Variants in LAMC2 observed in about 807,000 individuals in gnomAD.
LAMC2 encodes laminin subunit gamma 2.
A neutral mutation model predicts 140.2 loss-of-function variants in LAMC2; 97 were observed. The observed-to-expected ratio is 0.69, with a 90% CI of 0.59 to 0.82. The LOEUF (loss-of-function observed/expected upper bound fraction) is 0.82, where lower values mean the gene tolerates loss of function less well. Ranked by LOEUF, LAMC2 falls within the 40% of genes least tolerant of loss-of-function variation. The pLI, the probability that LAMC2 is intolerant of heterozygous loss-of-function variation, is 0.00. For synonymous variants in LAMC2, 513 were observed against 540.2 expected (o/e 0.95, Z 0.70); for missense variants, 1,402 against 1,476.1 (o/e 0.95, Z 0.82).
the LAMC2 span, among the ~76,000 whole-genome samples, chr1:183,253,948 T>G: frequency 6.6e-6 from 1 of 150,408 alleles, no homozygotes; most frequent in African/African-American, 2.5e-5. Flanking sequence ...TGTGTGTATG[T>G]GTGTGTGTAA....
At chr1:183,191,281 G>A (rs1658322129) in intron 1 of LAMC2, among the ~76,000 whole-genome samples, 1 of 152,142 alleles carries the variant, frequency 6.6e-6, no homozygotes, top group East Asian at 1.9e-4. Flanking sequence ...TGGGTTGGAG[G>A]TGGGCTGGAA....
chr1:183,217,195 G>A lies in LAMC2; in HGVS notation c.405-1195G>A, dbSNP rs181006017. On this transcript the variant is annotated intron_variant, in intron 3 of 22. Transcript: ENST00000264144. ...ATCATAGGGCAGGCAGAGGAGGAAC[G>A]GATCAGTAGAGAAGAGACAATAAAC... Among the ~76,000 whole-genome samples the A allele has an allele frequency of 3.6e-3, 548 of 152,198 alleles. 4 individuals are homozygous for A. Among genetic ancestry groups the A allele is most frequent in the Non-Finnish European group, 6.1e-3 (418 of 68,012 alleles).
chr1:183,236,369 A>G (rs1434390991), intron 16 of LAMC2, 91 bp from the exon 17 acceptor site: 2 of 1,251,590 alleles, frequency 1.6e-6, no homozygotes, highest in East Asian at 5.2e-5. Flanking sequence ...AGCCTGGACA[A>G]CAGAGTGAAA....
intron 1 of LAMC2, among the ~76,000 whole-genome samples, chr1:183,203,040 G>A (rs1658769816): frequency 6.6e-6 from 1 of 152,162 alleles, no homozygotes; most frequent in Admixed American, 6.5e-5. Flanking sequence ...CATGAGATGT[G>A]TTTTCTACCT....
intron 14 of LAMC2, 48 bp downstream of exon 14, chr1:183,232,905 G>C (rs1308626370): frequency 7.7e-6 from 12 of 1,557,306 alleles, no homozygotes; most frequent in Non-Finnish European, 9.7e-6. Context: ...TGTGTTGGGA[G>C]ACCTACTTGT....
intron 15 of LAMC2, 100 bp from the exon 16 acceptor site, chr1:183,235,470 CTAAAT>C: frequency 7.8e-7 from 1 of 1,281,922 alleles, no homozygotes. Context: ...TAGGGTTTTT[CTAAAT>C]CAGACCAGCT....
the LAMC2 span, among the ~76,000 whole-genome samples, chr1:183,257,497 A>G: frequency 6.6e-6 from 1 of 152,156 alleles, no homozygotes; most frequent in Admixed American, 6.5e-5. Context: ...TTCAGCTCTG[A>G]AGTCATCTGG....
chr1:183,223,409 C>A, intron 7 of LAMC2, 85 bp downstream of exon 7: 1 of 1,337,330 alleles, frequency 7.5e-7, no homozygotes, highest in Non-Finnish European at 1.1e-6. Flanking sequence ...AATCATCATT[C>A]ATTTGTTCAA....
At chr1:183,218,057 G>A (rs1659332379) in intron 3 of LAMC2, among the ~76,000 whole-genome samples, 1 of 152,158 alleles carries the variant, frequency 6.6e-6, no homozygotes, top group Non-Finnish European at 1.5e-5. Context: ...TTTAAAAAAT[G>A]TAAACTGAGC....
intron 4 of LAMC2, among the ~76,000 whole-genome samples, chr1:183,220,095 G>A (rs1261915593): frequency 6.6e-6 from 1 of 152,216 alleles, no homozygotes; most frequent in African/African-American, 2.4e-5. Flanking sequence ...GAAGGATGTA[G>A]TTAACTTGAG....
At chr1:183,241,620 C>G (rs1274750276) in intron 22 of LAMC2, among the ~76,000 whole-genome samples, 1 of 152,102 alleles carries the variant, frequency 6.6e-6, no homozygotes, top group Non-Finnish European at 1.5e-5. Context: ...ATGTTTGGCT[C>G]TGCTATTCCA....
rs1388529331 is a variant in LAMC2 at position 183,243,479 on chromosome 1, G to T, written c.*79G>T. The T allele has an allele frequency of 1.0e-5, 16 of 1,560,464 alleles. No homozygotes were observed. Among genetic ancestry groups the T allele is most frequent in the Non-Finnish European group, 1.4e-5 (16 of 1,132,398 alleles). On this transcript the variant is annotated 3_prime_UTR_variant, in exon 23 of 23. Transcript: ENST00000264144. ...CGGGAGCCATGTCATGTGAGTGGGT[G>T]GGATGGGGACATTTGAACATGTTTA...
intron 22 of LAMC2, among the ~76,000 whole-genome samples, chr1:183,242,077 A>C (rs1660147836): frequency 2.6e-5 from 4 of 152,200 alleles, no homozygotes; most frequent in Admixed American, 2.6e-4. Flanking sequence ...ATAATGCCCC[A>C]CAGGTCATGT....
intron 9 of LAMC2, 102 bp from the exon 10 acceptor site, chr1:183,227,413 G>A: frequency 7.6e-6 from 9 of 1,184,790 alleles, no homozygotes; most frequent in Non-Finnish European, 1.1e-5. Context: ...GAAGGCTTCA[G>A]AAAGGAAGGC....
rs34419587 is a variant in LAMC2 at position 183,236,519 on chromosome 1, T to G, written c.2516T>G (p.Ile839Ser). 3.5e-4 allele frequency: 566 copies of G among 1,613,398 alleles called. 6 individuals are homozygous for G. Among genetic ancestry groups the G allele is most frequent in the Non-Finnish European group, 4.2e-4 (492 of 1,179,780 alleles). Residue 839 changes from isoleucine (I) to serine (S), a missense_variant, in exon 17 of 23, where the codon ATT becomes AGT. Ile to Ser is a moderately radical substitution (Grantham distance 142). This residue lies in a region of LAMC2 where 670 missense variants were observed against 667.2 expected (regional missense o/e 1.00). Coordinates refer to ENST00000264144, the MANE Select transcript of LAMC2 (RefSeq NM_005562.3). ...QLTREATQAE[I>S]EADRSYQHSL... ...ACAAGGGAGGCCACTCAAGCGGAAA[T>G]TGAAGCAGATAGGTCTTATCAGCAC...
At chr1:183,204,268 G>T (rs1174098635) in intron 1 of LAMC2, among the ~76,000 whole-genome samples, 1 of 151,048 alleles carries the variant, frequency 6.6e-6, no homozygotes, top group African/African-American at 2.4e-5. Context: ...TCCACTCTGG[G>T]TGACAGAGTG....
At chr1:183,236,287 G>A (rs1571538980) in intron 16 of LAMC2, among the ~76,000 whole-genome samples, 173 bp from the exon 17 acceptor site, 1 of 151,648 alleles carries the variant, frequency 6.6e-6, no homozygotes, top group South Asian at 2.1e-4. Flanking sequence ...TACTTGGGAG[G>A]CTGAATTGGG....
At position 183,220,849 on chromosome 1, in the gene LAMC2, G is replaced by A. The variant is rs769256898; in HGVS notation, c.528G>A (p.Leu176=). The change falls in exon 5 of 23, where the codon CTG becomes CTA. Residue 176 remains leucine, a synonymous_variant. Coordinates refer to ENST00000264144, the MANE Select transcript of LAMC2 (RefSeq NM_005562.3). ...GGTGTCGATCAGGTTACTATAATCT[G>A]GATGGGGGGAACCCTGAGGGCTGTA... The part of the protein sequence containing the change: ...CDRCRSGYYN[L]DGGNPEGCTQ... The A allele has an allele frequency of 3.1e-6, 5 of 1,613,858 alleles. No individual in the cohort carries two copies. The highest frequency in any genetic ancestry group is 4.2e-6 in the Non-Finnish European group (5 of 1,179,856).
the LAMC2 span, chr1:183,251,134 T>C: frequency 6.6e-6 from 1 of 152,058 alleles, no homozygotes; most frequent in Admixed American, 6.5e-5. Context: ...GGTAGAAAAT[T>C]AGAGAAAAAA....
Sources: allele counts gnomAD v4.1 joint callset (sites outside exome capture counted in the v4.1 genomes callset), GRCh38; gene constraint gnomAD v4.1.1; regional missense constraint gnomAD v4.1.1; transcripts MANE v1.5; gene names NCBI Gene and HGNC (gene_info 2026-07-23, HGNC 2026-07-21).